Variants in SLC14A2 observed in about 807,000 individuals in gnomAD.
The protein encoded by SLC14A2 is solute carrier family 14 member 2.
Under a neutral mutation model 104.6 loss-of-function variants are expected in SLC14A2, and 91 were observed. That is an observed-to-expected ratio of 0.87 (90% CI 0.73 to 1.04). SLC14A2 has a LOEUF of 1.04. SLC14A2 is among the 50% of genes least tolerant of loss of function. The pLI is 0.00. For synonymous variants in SLC14A2, 476 were observed against 466.4 expected (o/e 1.02, Z -0.27); for missense variants, 1,189 against 1,156.0 (o/e 1.03, Z -0.41).
chr18:45,409,969 G>A (rs1203331358), intron 1 of SLC14A2, among the ~76,000 whole-genome samples: 1 of 152,160 alleles, frequency 6.6e-6, no homozygotes, highest in Non-Finnish European at 1.5e-5. Flanking sequence ...GGATCCCTAA[G>A]CTTGTTTTCC....
chr18:45,175,512 A>T, the SLC14A2 span, among the ~76,000 whole-genome samples: 1 of 152,154 alleles, frequency 6.6e-6, no homozygotes, highest in East Asian at 1.9e-4. Flanking sequence ...CAGGTGGGGA[A>T]AAAGGAATGG....
intron 2 of SLC14A2, among the ~76,000 whole-genome samples, chr18:45,607,709 G>A (rs1483424306): frequency 1.3e-5 from 2 of 152,180 alleles, no homozygotes; most frequent in African/African-American, 2.4e-5. Flanking sequence ...GAATCCAGGA[G>A]GAGCGTAACT....
At chr18:45,625,241 G>A (rs879687207) in intron 2 of SLC14A2, among the ~76,000 whole-genome samples, 1 of 152,162 alleles carries the variant, frequency 6.6e-6, no homozygotes, top group Non-Finnish European at 1.5e-5. Context: ...CCTGACTTGC[G>A]ATGAGGAGGT....
At chr18:45,357,287 A>C (rs1283361321) in intron 1 of SLC14A2, among the ~76,000 whole-genome samples, 1 of 148,152 alleles carries the variant, frequency 6.7e-6, no homozygotes, top group African/African-American at 2.6e-5. Flanking sequence ...CAGGTTGAGA[A>C]AACAGATCTT....
At chr18:45,334,222 C>A (rs1277122937) in intron 1 of SLC14A2, among the ~76,000 whole-genome samples, 4 of 152,110 alleles carry the variant, frequency 2.6e-5, no homozygotes, top group African/African-American at 4.8e-5. Flanking sequence ...AAGTGGAAGT[C>A]TGCATATTAG....
chr18:45,204,528 A>C, the SLC14A2 span, among the ~76,000 whole-genome samples: 1 of 152,200 alleles, frequency 6.6e-6, no homozygotes, highest in East Asian at 1.9e-4. Context: ...GTTTAAAGTC[A>C]ATGATGGAGA....
At chr18:45,286,239 G>A (rs1377919572) in intron 1 of SLC14A2, among the ~76,000 whole-genome samples, 3 of 152,158 alleles carry the variant, frequency 2.0e-5, no homozygotes, top group Non-Finnish European at 1.5e-5. Context: ...TCTTTACCAT[G>A]GTTCATTATT....
At chr18:45,429,869 G>A (rs527865621) in intron 1 of SLC14A2, among the ~76,000 whole-genome samples, 3 of 152,156 alleles carry the variant, frequency 2.0e-5, no homozygotes, top group African/African-American at 7.2e-5. Context: ...GGAACAGAAA[G>A]AACCTGGTTC....
chr18:45,486,362 C>CT (rs111685052), intron 2 of SLC14A2, among the ~76,000 whole-genome samples: 204 of 145,052 alleles, frequency 1.4e-3, no homozygotes, highest in African/African-American at 2.7e-3. Context: ...AGGCTAGGGA[C>CT]TTTTTTTTTT....
chr18:45,455,739 G>C (rs2086932948), intron 1 of SLC14A2, among the ~76,000 whole-genome samples: 1 of 152,112 alleles, frequency 6.6e-6, no homozygotes, highest in African/African-American at 2.4e-5. Context: ...AAAAGTGACA[G>C]TGTCTGTGGT....
chr18:45,404,787 C>G (rs1390680974), intron 1 of SLC14A2, among the ~76,000 whole-genome samples: 3 of 152,184 alleles, frequency 2.0e-5, no homozygotes, highest in African/African-American at 7.2e-5. Context: ...ATGCTTTAAC[C>G]AGTCTTCTGT....
At chr18:45,293,346 T>A (rs1420556303) in intron 1 of SLC14A2, among the ~76,000 whole-genome samples, 2 of 152,080 alleles carry the variant, frequency 1.3e-5, no homozygotes, top group East Asian at 3.9e-4. Flanking sequence ...GAGTTGCAGG[T>A]ACTGGGGGAA....
At position 45,525,374 on chromosome 18, in the gene SLC14A2, T is replaced by C. The variant is rs572051481; in HGVS notation, c.-35+42052T>C. 5.3e-5 allele frequency among the ~76,000 whole-genome samples: 8 copies of C among 152,320 alleles called. No individual in the cohort carries two copies. In the East Asian group the frequency reaches 1.5e-3, roughly 29 times the overall value. The stretch of plus-strand genomic sequence containing the variant: ...TGGGAAAGGTTGAGTGGATTAGGCT[T>C]GAAGTGAATGACTGTAGTGCTGCTG... On this transcript the variant is annotated intron_variant, in intron 2 of 20. Transcript: ENST00000586448.
In SLC14A2 at chr18:45,682,745, A is replaced by C; in HGVS notation, c.*226A>C. On this transcript the variant is annotated 3_prime_UTR_variant, in exon 20 of 20. Coordinates refer to ENST00000255226, the MANE Select transcript of SLC14A2 (RefSeq NM_007163.4). ...GACTTTATACCCTTAGCTTTCCCAT[A>C]AGAGCTCCCTTTGTGGGGAACTTGC... 1 of 489,270 alleles carries C rather than the reference A, an allele frequency of 2.0e-6. No individual in the cohort carries two copies. Among genetic ancestry groups the C allele is most frequent in the Non-Finnish European group, 3.7e-6 (1 of 267,702 alleles). 30.3% of individuals were successfully genotyped at this position (489,270 alleles called of 1,614,324 possible). A position where few individuals can be genotyped will look rare whatever the true frequency, so the allele number is the denominator to read the frequency against.
intron 18 of SLC14A2, among the ~76,000 whole-genome samples, chr18:45,675,512 T>TA (rs1325313829): frequency 1.3e-5 from 2 of 151,562 alleles, no homozygotes; most frequent in Non-Finnish European, 2.9e-5. Context: ...GGGGGCGTTT[T>TA]ACTGTTGTTG....
In SLC14A2 at chr18:45,356,948, C is replaced by T. The variant is rs538863104; in HGVS notation, c.-124-126285C>T. Among the ~76,000 whole-genome samples the T allele has an allele frequency of 7.2e-5, 11 of 152,270 alleles. No individual in the cohort carries two copies. The East Asian group carries it at 1.2e-3, about 16-fold the overall frequency. ...GGCTGGGCATTTAGCTGGACCACCACGGGGGCACCAGGTGCTAGAACACAG... is the reference window on the plus strand; with the variant it reads ...GGCTGGGCATTTAGCTGGACCACCATGGGGGCACCAGGTGCTAGAACACAG... On this transcript the variant is annotated intron_variant, in intron 1 of 20. Transcript: ENST00000586448.
chr18:45,284,136 G>A (rs561230102), intron 1 of SLC14A2, among the ~76,000 whole-genome samples: 70 of 152,294 alleles, frequency 4.6e-4, no homozygotes, highest in Non-Finnish European at 8.1e-4. Context: ...TTCATGGCTT[G>A]CATTATATTT....
At chr18:45,540,234 C>G (rs1021746720) in intron 2 of SLC14A2, among the ~76,000 whole-genome samples, 1 of 152,122 alleles carries the variant, frequency 6.6e-6, no homozygotes, top group African/African-American at 2.4e-5. Context: ...TTTGGACTCT[C>G]CTTCCTGGCC....
chr18:45,198,712 T>A, the SLC14A2 span, among the ~76,000 whole-genome samples: 1 of 152,254 alleles, frequency 6.6e-6, no homozygotes, highest in African/African-American at 2.4e-5. Context: ...GCCCTCAAAT[T>A]TTTAACATAT....
Sources: gnomAD v4.1 joint callset for allele counts (sites outside exome capture counted in the v4.1 genomes callset) on GRCh38, gnomAD v4.1.1 for gene constraint, MANE v1.5 for transcripts, NCBI Gene and HGNC (gene_info 2026-07-23, HGNC 2026-07-21) for gene names.